SCN11A: variants seen among roughly 807,000 people sequenced by gnomAD.
The protein encoded by SCN11A is sodium voltage-gated channel alpha subunit 11.
A neutral mutation model predicts 162.2 loss-of-function variants in SCN11A; 122 were observed. The observed-to-expected ratio is 0.75, with a 90% CI of 0.65 to 0.87. The LOEUF (loss-of-function observed/expected upper bound fraction) is 0.87, where lower values mean the gene tolerates loss of function less well. Among genes scored for constraint, SCN11A ranks in the 40% least tolerant of loss-of-function variants. The probability of loss-of-function intolerance (pLI) is 0.00; values close to 1 mark genes in which losing one functional copy is unlikely to be tolerated. For synonymous variants in SCN11A, 758 were observed against 751.5 expected (o/e 1.01, Z -0.14); for missense variants, 2,015 against 2,181.6 (o/e 0.92, Z 1.52).
chr3:38,863,902 C>A (rs1047095582), intron 27 of SCN11A, among the ~76,000 whole-genome samples: 1 of 151,864 alleles, frequency 6.6e-6, no homozygotes, highest in Non-Finnish European at 1.5e-5. Flanking sequence ...GCTGAACTGG[C>A]ATAAAAGTAA....
intron 2 of SCN11A, among the ~76,000 whole-genome samples, chr3:39,009,487 C>T (rs1475192656): frequency 6.7e-6 from 1 of 150,010 alleles, no homozygotes; most frequent in African/African-American, 2.5e-5. Context: ...GCTCTTGAGA[C>T]CAGAAAGTTT....
intron 2 of SCN11A, among the ~76,000 whole-genome samples, chr3:38,984,034 T>C (rs1450862966): frequency 1.3e-5 from 2 of 152,228 alleles, no homozygotes; most frequent in African/African-American, 2.4e-5. Context: ...TTTAGTCCCA[T>C]TGCTTTGGGA....
chr3:38,965,530 A>G (rs11921397), intron 2 of SCN11A, among the ~76,000 whole-genome samples: 8,227 of 152,048 alleles, frequency 0.054, 736 homozygotes, highest in African/African-American at 0.18. Context: ...AGCTGTCCCT[A>G]TCCTGACCAC....
intron 2 of SCN11A, among the ~76,000 whole-genome samples, chr3:38,964,008 C>T (rs2066764834): frequency 6.6e-6 from 1 of 151,684 alleles, no homozygotes; most frequent in Admixed American, 6.5e-5. Context: ...AGTGTAAAGA[C>T]TTAAGTGACA....
chr3:38,932,287 G>A (rs1410978708), intron 7 of SCN11A, among the ~76,000 whole-genome samples: 3 of 152,360 alleles, frequency 2.0e-5, no homozygotes, highest in East Asian at 3.9e-4. Context: ...CTCCCAGCGT[G>A]AGCGACGCAG....
In SCN11A at chr3:38,870,673, G is replaced by C. The variant is rs754104151; in HGVS notation, c.3813+18C>G. On this transcript the variant is annotated intron_variant, in intron 26 of 29. Coordinates refer to ENST00000302328, the MANE Select transcript of SCN11A (RefSeq NM_001349253.2). ...ACTTGACCATAACACTCCAGAACAT[G>C]GTAGAACACTGACTCACCTCTGTGG... The C allele has an allele frequency of 2.4e-5, 38 of 1,608,032 alleles. No homozygotes were observed. Among genetic ancestry groups the C allele is most frequent in the Non-Finnish European group, 3.2e-5 (38 of 1,174,692 alleles).
Position 38,855,974 on chromosome 3 carries a change from G to A in SCN11A, c.4057-5223C>T, listed in dbSNP as rs549575021. On this transcript the variant is annotated intron_variant, in intron 28 of 29. Coordinates refer to ENST00000302328, the MANE Select transcript of SCN11A (RefSeq NM_001349253.2). Reference sequence around the variant, plus strand: ...GAACCAGAAGAGCAATAACAATACTGCAGTCTGGCTTTCAGGAAGCCCCAT... The same window carrying A: ...GAACCAGAAGAGCAATAACAATACTACAGTCTGGCTTTCAGGAAGCCCCAT... Among the ~76,000 whole-genome samples, 23 of 152,328 alleles carry A rather than the reference G, an allele frequency of 1.5e-4. No homozygotes were observed. The South Asian group carries it at 4.1e-3, about 27-fold the overall frequency.
chr3:38,915,219 G>C lies in SCN11A; in HGVS notation c.959+4716C>G, dbSNP rs1575286432. On this transcript the variant is annotated intron_variant, in intron 11 of 29. Transcript: ENST00000302328. ...GTCTTGGCAGGGTGTTTGTGTCCAGGTATTTTTAGTTTGTGTGCTTAGAGG... is the reference window on the plus strand; with the variant it reads ...GTCTTGGCAGGGTGTTTGTGTCCAGCTATTTTTAGTTTGTGTGCTTAGAGG... Among the ~76,000 whole-genome samples the C allele has an allele frequency of 2.0e-5, 3 of 152,012 alleles. No individual in the cohort carries two copies. In the South Asian group the frequency reaches 6.2e-4, roughly 32 times the overall value.
At chr3:38,984,992 C>A (rs1307850151) in intron 2 of SCN11A, among the ~76,000 whole-genome samples, 2 of 150,982 alleles carry the variant, frequency 1.3e-5, no homozygotes, top group Non-Finnish European at 2.9e-5. Flanking sequence ...GAGATGTAGG[C>A]AGGGGCTGGA....
At chr3:38,965,903 C>T (rs989879300) in intron 2 of SCN11A, among the ~76,000 whole-genome samples, 1 of 151,906 alleles carries the variant, frequency 6.6e-6, no homozygotes, top group Non-Finnish European at 1.5e-5. Context: ...TCATGGGAGC[C>T]CTGGAGGTGA....
chr3:38,923,890 A>G (rs1277424624), intron 9 of SCN11A, among the ~76,000 whole-genome samples: 1 of 152,168 alleles, frequency 6.6e-6, no homozygotes, highest in Non-Finnish European at 1.5e-5. Context: ...GGATAGGAAG[A>G]ACCTCAGACT....
intron 27 of SCN11A, among the ~76,000 whole-genome samples, 200 bp downstream of exon 27, chr3:38,867,121 A>ATTAAACCCAGATGTTT (rs2065053231): frequency 6.6e-6 from 1 of 152,204 alleles, no homozygotes; most frequent in Admixed American, 6.5e-5. Context: ...GTAATGACTT[A>ATTAAACCCAGATGTTT]ATTAAACCCA....
intron 24 of SCN11A, 62 bp from the exon 25 acceptor site, chr3:38,871,770 C>T: frequency 7.2e-7 from 1 of 1,379,444 alleles, no homozygotes; most frequent in East Asian, 2.3e-5. Context: ...GGCTCTTCAA[C>T]TTCTCAGCAT....
chr3:39,043,993 A>G (rs761256269), intron 1 of SCN11A, among the ~76,000 whole-genome samples: 28 of 152,278 alleles, frequency 1.8e-4, no homozygotes, highest in Non-Finnish European at 3.7e-4. Flanking sequence ...TGTACCCACG[A>G]AAGTTAAAGA....
intron 28 of SCN11A, among the ~76,000 whole-genome samples, chr3:38,860,038 C>T (rs1388987150): frequency 6.6e-6 from 1 of 152,038 alleles, no homozygotes; most frequent in African/African-American, 2.4e-5. Flanking sequence ...CCACCCAGAC[C>T]CATAATCTGC....
chr3:38,932,864 G>A (rs934140373), intron 7 of SCN11A, among the ~76,000 whole-genome samples: 5 of 152,338 alleles, frequency 3.3e-5, no homozygotes, highest in African/African-American at 1.2e-4. Flanking sequence ...GCTTTGAAGA[G>A]AGCAGTGGTT....
At chr3:38,980,831 A>C (rs1448077974) in intron 2 of SCN11A, among the ~76,000 whole-genome samples, 1 of 152,234 alleles carries the variant, frequency 6.6e-6, no homozygotes, top group Non-Finnish European at 1.5e-5. Context: ...TCATGCTACC[A>C]AGGAAACCAA....
chr3:39,001,592 C>G (rs888617240), intron 2 of SCN11A, among the ~76,000 whole-genome samples: 1 of 152,116 alleles, frequency 6.6e-6, no homozygotes, highest in Non-Finnish European at 1.5e-5. Context: ...TATAGTTTTA[C>G]TTCTTACTTT....
intron 28 of SCN11A, among the ~76,000 whole-genome samples, chr3:38,852,885 A>G (rs1559486750): frequency 6.6e-6 from 1 of 152,240 alleles, no homozygotes; most frequent in Non-Finnish European, 1.5e-5. Flanking sequence ...GGAATATAAA[A>G]GTCAAGATAA....
Sources: gnomAD v4.1 joint callset for allele counts (sites outside exome capture counted in the v4.1 genomes callset) on GRCh38, gnomAD v4.1.1 for gene constraint, MANE v1.5 for transcripts, NCBI Gene and HGNC (gene_info 2026-07-23, HGNC 2026-07-21) for gene names.